The following ELAC1 variants were observed in gnomAD, a reference collection of about 807,000 sequenced individuals.
ELAC1 encodes the protein zinc phosphodiesterase ELAC protein 1.
In ELAC1, 19 loss-of-function variants were observed where a neutral mutation model predicts 25.8. That is an observed-to-expected ratio of 0.74 (90% CI 0.51 to 1.08). The LOEUF is 1.08. Ranked by LOEUF, ELAC1 falls within the 50% of genes least tolerant of loss-of-function variation. ELAC1 has a pLI of 0.00. For synonymous variants in ELAC1, 148 were observed against 160.9 expected (o/e 0.92, Z 0.61); for missense variants, 403 against 434.6 (o/e 0.93, Z 0.65).
intron 1 of ELAC1, chr18:50,968,630 C>A (rs1907566899): frequency 6.6e-6 from 1 of 152,244 alleles, no homozygotes; most frequent in Non-Finnish European, 1.5e-5. Context: ...TCCACGGGCC[C>A]AGAGTGAAAT....
chr18:50,975,883 T>G (rs547416662), intron 2 of ELAC1, among the ~76,000 whole-genome samples: 2 of 152,218 alleles, frequency 1.3e-5, no homozygotes, highest in Non-Finnish European at 2.9e-5. Flanking sequence ...ATAGAAGGCA[T>G]CCCAGAGATT....
intron 1 of ELAC1, chr18:50,969,044 AAC>A (rs1185837905): frequency 6.6e-6 from 1 of 152,216 alleles, no homozygotes; most frequent in African/African-American, 2.4e-5. Context: ...ATGTTTATAA[AAC>A]ACAATAACAC....
Position 50,986,659 on chromosome 18 carries a change from A to T in ELAC1, c.666A>T (p.Gly222=). Residue 222 remains glycine, a synonymous_variant, in exon 4 of 4, where the codon GGA becomes GGT. Coordinates refer to ENST00000269466, the MANE Select transcript of ELAC1 (RefSeq NM_018696.3). ...PGPAYGKLKN[G]ISVVLENGVT... ...CTGCCTATGGGAAGCTGAAAAATGG[A>T]ATTTCTGTTGTTCTGGAAAATGGGG... The T allele has an allele frequency of 6.2e-7, 1 of 1,613,690 alleles. No individual in the cohort carries two copies. The highest frequency in any genetic ancestry group is 8.5e-7 in the Non-Finnish European group (1 of 1,179,704).
intron 1 of ELAC1, chr18:50,969,549 G>T (rs549792166): frequency 6.6e-6 from 1 of 152,326 alleles, no homozygotes; most frequent in East Asian, 1.9e-4. Context: ...ACATGCAAAA[G>T]AAATGAGAGA....
intron 2 of ELAC1, among the ~76,000 whole-genome samples, chr18:50,979,943 C>A (rs1230767270): frequency 6.6e-6 from 1 of 152,092 alleles, no homozygotes; most frequent in African/African-American, 2.4e-5. Context: ...GTTGCCCAGG[C>A]TGATGTCAAA....
chr18:50,970,146 A>T (rs1281769136), intron 1 of ELAC1, among the ~76,000 whole-genome samples: 5 of 152,066 alleles, frequency 3.3e-5, no homozygotes, highest in Admixed American at 3.3e-4. Flanking sequence ...ATAGAGACAG[A>T]GTCTTGCCAT....
chr18:50,975,063 A>G (rs1022730329), intron 2 of ELAC1, among the ~76,000 whole-genome samples: 15 of 152,244 alleles, frequency 9.9e-5, no homozygotes, highest in Admixed American at 5.9e-4. Context: ...ATCAGGGGGA[A>G]TGGAGTGAGC....
At chr18:50,977,537 G>A (rs9635956) in intron 2 of ELAC1, among the ~76,000 whole-genome samples, 41,082 of 152,146 alleles carry the variant, frequency 0.27, 6,254 homozygotes, top group East Asian at 0.41. Flanking sequence ...AAGCAGCAAG[G>A]CCCTGGGCCC....
rs1398045680 is a variant in ELAC1, at chr18:50,968,103, C to T, written c.-20C>T. On this transcript the variant is annotated 5_prime_UTR_variant, in exon 1 of 4. Transcript: ENST00000269466. ...GCCTCCCTCGGCTCCTGGCGCGGGC[C>T]TCGGGGAGAGGGTGAGTGCGGTAGG... 1 of 152,104 alleles carries T rather than the reference C, an allele frequency of 6.6e-6. No individual in the cohort carries two copies. The highest frequency in any genetic ancestry group is 2.4e-5 in the African/African-American group (1 of 41,440). The allele number at this position is 152,104 out of a possible 1,614,324, so 9.4% of individuals were successfully genotyped here.
intron 2 of ELAC1, among the ~76,000 whole-genome samples, chr18:50,978,168 C>T (rs756968828): frequency 6.6e-6 from 1 of 152,142 alleles, no homozygotes; most frequent in Non-Finnish European, 1.5e-5. Flanking sequence ...TTTCCTGTCT[C>T]CTTTTGAGCC....
At chr18:50,985,368 C>T (rs1000481110) in intron 3 of ELAC1, among the ~76,000 whole-genome samples, 7 of 152,244 alleles carry the variant, frequency 4.6e-5, no homozygotes, top group African/African-American at 1.7e-4. Context: ...GTATTCAAAA[C>T]CCTGTGCCTC....
At chr18:50,971,980 AT>A (rs1907670859) in intron 1 of ELAC1, among the ~76,000 whole-genome samples, 1 of 134,482 alleles carries the variant, frequency 7.4e-6, no homozygotes, top group Admixed American at 7.6e-5. Flanking sequence ...GTATTTTTGT[AT>A]TTTGAATGCA....
intron 1 of ELAC1, among the ~76,000 whole-genome samples, chr18:50,970,937 A>G (rs1048363939): frequency 2.0e-5 from 3 of 152,112 alleles, no homozygotes; most frequent in African/African-American, 7.2e-5. Context: ...TAAAAACGAG[A>G]TCATACCATA....
At chr18:50,969,121 C>G (rs1319777812) in intron 1 of ELAC1, 1 of 152,236 alleles carries the variant, frequency 6.6e-6, no homozygotes, top group Non-Finnish European at 1.5e-5. Flanking sequence ...ACTATCCAGT[C>G]AGCATTTACA....
At chr18:50,974,675 G>A (rs1203151624) in intron 2 of ELAC1, 114 bp downstream of exon 2, 1 of 976,686 alleles carries the variant, frequency 1.0e-6, no homozygotes, top group South Asian at 1.5e-5. Flanking sequence ...TCCCACTTCA[G>A]TGCTACACCC....
intron 1 of ELAC1, among the ~76,000 whole-genome samples, chr18:50,970,655 T>G (rs1294482034): frequency 6.8e-6 from 1 of 148,060 alleles, no homozygotes; most frequent in Non-Finnish European, 1.5e-5. Context: ...CTAGGTAGTG[T>G]GTAGTTAGAG....
intron 2 of ELAC1, among the ~76,000 whole-genome samples, chr18:50,975,032 G>A (rs1322693659): frequency 6.6e-6 from 1 of 152,156 alleles, no homozygotes; most frequent in Non-Finnish European, 1.5e-5. Flanking sequence ...TTTCAGGGCT[G>A]AGGAGAAGAA....
intron 2 of ELAC1, among the ~76,000 whole-genome samples, chr18:50,975,242 TAGAA>T (rs1907771144): frequency 6.6e-6 from 1 of 152,108 alleles, no homozygotes; most frequent in Non-Finnish European, 1.5e-5. Context: ...AAAGTCTACT[TAGAA>T]AGGGTGTTAT....
At chr18:50,970,244 C>T (rs951117574) in intron 1 of ELAC1, among the ~76,000 whole-genome samples, 1 of 152,146 alleles carries the variant, frequency 6.6e-6, no homozygotes, top group East Asian at 1.9e-4. Context: ...CAGGAGCCAC[C>T]GTACCTGACC....
Sources: gnomAD v4.1 joint callset for allele counts (sites outside exome capture counted in the v4.1 genomes callset) on GRCh38, gnomAD v4.1.1 for gene constraint, MANE v1.5 for transcripts, NCBI Gene and HGNC (gene_info 2026-07-23, HGNC 2026-07-21) for gene names.